The following CACNA1A variants were observed in gnomAD, a reference collection of about 807,000 sequenced individuals.
CACNA1A encodes voltage-dependent P/Q-type calcium channel subunit alpha-1A.
In CACNA1A, 57 loss-of-function variants were observed where a neutral mutation model predicts 262.4. The observed-to-expected ratio is 0.22, with a 90% CI of 0.18 to 0.27. The LOEUF is 0.27. CACNA1A is among the 10% of genes least tolerant of loss of function. The pLI is 1.00. For missense variants in CACNA1A, 2,526 were observed against 3,562.8 expected (o/e 0.71, Z 7.41); for synonymous variants, 1,431 against 1,419.3 (o/e 1.01, Z -0.18).
chr19:13,214,141 G>T lies in CACNA1A; in HGVS notation c.5940+92C>A, dbSNP rs889671168. 1.3e-5 allele frequency: 13 copies of T among 1,039,048 alleles called. No individual in the cohort carries two copies. The highest frequency in any genetic ancestry group is 1.9e-5 in the Non-Finnish European group (13 of 697,990). The allele number at this position is 1,039,048 out of a possible 1,614,324, so 64.4% of individuals were successfully genotyped here. ...CTACTTTTCAGGGACCTGCCCTGGG[G>T]CTCAGCCACCCTCATATTCCAGTTG... On this transcript the variant is annotated intron_variant, in intron 40 of 46. Coordinates refer to ENST00000360228, the MANE Select transcript of CACNA1A (RefSeq NM_001127222.2). This position sits in a 1 kb window ranked among gnomAD's most constrained non-coding sequence, Gnocchi z 4.1.
At chr19:13,497,139 G>C (rs1190992254) in intron 1 of CACNA1A, among the ~76,000 whole-genome samples, 4 of 151,922 alleles carry the variant, frequency 2.6e-5, no homozygotes, top group African/African-American at 9.7e-5. Context: ...CAGAATACAA[G>C]CAGGACCAAG....
At position 13,299,329 on chromosome 19, in the gene CACNA1A, C is replaced by G. The variant is rs771905201; in HGVS notation, c.2304G>C (p.Lys768Asn). 3 of 1,600,084 alleles carry G rather than the reference C, an allele frequency of 1.9e-6. No homozygotes were observed. The East Asian group carries it at 6.7e-5, about 36-fold the overall frequency. The change falls in exon 19 of 47, where the codon AAG becomes AAC. Residue 768 changes from lysine (K) to asparagine (N), a missense_variant. Physicochemically the swap from Lys to Asn is moderately conservative, Grantham distance 94. Around this residue, in one of 17 missense-constraint regions of CACNA1A, gnomAD observed 765 missense variants for 748.6 expected, o/e 1.02. Transcript: ENST00000360228. The stretch of plus-strand genomic sequence containing the variant: ...GCTGCTCCCACACGGACTTGGCTGG[C>G]TTTTGATTCTTCTGTTGCTCTTTCC... ...IAVKEQQKNQ[K>N]PAKSVWEQRT...
chr19:13,465,792 T>C (rs890040627), intron 1 of CACNA1A, among the ~76,000 whole-genome samples: 1 of 152,198 alleles, frequency 6.6e-6, no homozygotes, highest in Admixed American at 6.5e-5. Context: ...TCCAGCCACA[T>C]CATATTTTTG....
intron 1 of CACNA1A, among the ~76,000 whole-genome samples, chr19:13,490,466 G>A (rs1007114493): frequency 3.3e-5 from 5 of 152,100 alleles, no homozygotes; most frequent in Admixed American, 1.3e-4. Flanking sequence ...AGCTGGGTGT[G>A]GTGGCGCGTG....
intron 1 of CACNA1A, among the ~76,000 whole-genome samples, chr19:13,505,253 T>C (rs898457011): frequency 2.0e-5 from 3 of 152,202 alleles, no homozygotes; most frequent in African/African-American, 4.8e-5. Context: ...CCTGCACACA[T>C]GAGGGAAACA....
chr19:13,334,520 A>G, intron 7 of CACNA1A, 27 bp from the exon 8 acceptor site: 1 of 1,232,274 alleles, frequency 8.1e-7, no homozygotes, highest in Non-Finnish European at 1.2e-6. Flanking sequence ...AAGCCAGAGT[A>G]TGGCTGTTTT....
intron 6 of CACNA1A, among the ~76,000 whole-genome samples, chr19:13,354,370 C>T (rs893300994): frequency 1.3e-5 from 2 of 152,212 alleles, no homozygotes; most frequent in Non-Finnish European, 2.9e-5. Context: ...AGACACTCTG[C>T]TTGCCTATGG....
chr19:13,352,560 C>T lies in CACNA1A; in HGVS notation c.978+7046G>A, dbSNP rs551312841. ...TTTACTTATATTTTCATATTTGTAC[C>T]TTTGAGATCATAAGGTTTACCTCCC... On this transcript the variant is annotated intron_variant, in intron 6 of 46. Transcript: ENST00000360228. Among the ~76,000 whole-genome samples, 8 of 152,146 alleles carry T rather than the reference C, an allele frequency of 5.3e-5. No individual in the cohort carries two copies. In the East Asian group the frequency reaches 1.5e-3, roughly 29 times the overall value.
rs764399373 is a variant in CACNA1A, at chr19:13,298,647, GGCCCTC to G, written c.2980_2985del (p.Glu994_Gly995del). 829 of 1,517,422 alleles carry G rather than the reference GGCCCTC, an allele frequency of 5.5e-4. No homozygotes were observed. The highest frequency in any genetic ancestry group is 6.2e-4 in the Non-Finnish European group (707 of 1,132,752). The allele number at this position is 1,517,422 out of a possible 1,614,324, so 94.0% of individuals were successfully genotyped here. A position where few individuals can be genotyped will look rare whatever the true frequency, so the allele number is the denominator to read the frequency against. Reference sequence around the variant, plus strand: ...CTTCTCCTGCGCTCGCCCCCGTCGGGGCCCTCGCCCTCGCCCTCGCCGCCCCGGGCC... The same window carrying G: ...CTTCTCCTGCGCTCGCCCCCGTCGGGGCCCTCGCCCTCGCCGCCCCGGGCC... On this transcript the variant is annotated inframe_deletion, in exon 19 of 47. Coordinates refer to ENST00000360228, the MANE Select transcript of CACNA1A (RefSeq NM_001127222.2).
intron 38 of CACNA1A, among the ~76,000 whole-genome samples, chr19:13,221,882 T>C (rs1398194887): frequency 3.3e-5 from 5 of 152,012 alleles, no homozygotes; most frequent in Non-Finnish European, 7.4e-5. Flanking sequence ...AGCTAGGTCT[T>C]TGGGGGAATT....
At chr19:13,380,418 G>A (rs1195581422) in intron 3 of CACNA1A, among the ~76,000 whole-genome samples, 11 of 151,578 alleles carry the variant, frequency 7.3e-5, no homozygotes, top group Non-Finnish European at 1.6e-4. Flanking sequence ...GGCCGACGCA[G>A]GCAGATCACT....
At chr19:13,267,716 G>C (rs914166835) in intron 24 of CACNA1A, among the ~76,000 whole-genome samples, 1 of 152,026 alleles carries the variant, frequency 6.6e-6, no homozygotes, top group Non-Finnish European at 1.5e-5. Flanking sequence ...GACGAGTTGG[G>C]AAGATTGCTT....
chr19:13,499,452 G>C (rs1420378847), intron 1 of CACNA1A, among the ~76,000 whole-genome samples: 1 of 118,990 alleles, frequency 8.4e-6, no homozygotes. Flanking sequence ...GGGGGTGGTG[G>C]GGGGGGGCAC....
intron 37 of CACNA1A, chr19:13,225,207 C>T (rs2055389808): frequency 5.8e-6 from 1 of 172,268 alleles, no homozygotes; most frequent in Non-Finnish European, 1.3e-5. Context: ...GTGCCACTGG[C>T]TCCCCACACC....
Position 13,286,493 on chromosome 19 carries a change from A to T in CACNA1A, c.3553+10T>A. The T allele has an allele frequency of 1.7e-6, 2 of 1,156,838 alleles. No individual in the cohort carries two copies. Among genetic ancestry groups the T allele is most frequent in the Non-Finnish European group, 2.4e-6 (2 of 824,966 alleles). The allele number at this position is 1,156,838 out of a possible 1,614,324, so 71.7% of individuals were successfully genotyped here. On this transcript the variant is annotated intron_variant, in intron 20 of 46. Transcript: ENST00000360228. The stretch of plus-strand genomic sequence containing the variant: ...CCCCTGCCCAGTGATGTGAGAGCAG[A>T]GGGTCTCACCTTGTACGACGGTGTG...
At chr19:13,491,005 AAAGG>A (rs879736907) in intron 1 of CACNA1A, among the ~76,000 whole-genome samples, 4 of 150,196 alleles carry the variant, frequency 2.7e-5, no homozygotes, top group Middle Eastern at 3.5e-3. Context: ...AGGAAGGAAG[AAAGG>A]AAGGAAGGAA....
intron 24 of CACNA1A, chr19:13,263,164 C>T: frequency 3.8e-6 from 1 of 264,836 alleles, no homozygotes; most frequent in South Asian, 5.5e-5. Context: ...CATTTCTGCA[C>T]AGCTTTTCTT....
intron 30 of CACNA1A, among the ~76,000 whole-genome samples, chr19:13,250,435 C>A (rs372080776): frequency 6.6e-6 from 1 of 151,894 alleles, no homozygotes; most frequent in Non-Finnish European, 1.5e-5. Flanking sequence ...CTCACTCTGT[C>A]ACCCAGGCTG....
intron 1 of CACNA1A, among the ~76,000 whole-genome samples, chr19:13,505,225 C>T (rs965934264): frequency 2.0e-5 from 3 of 152,014 alleles, no homozygotes; most frequent in Non-Finnish European, 2.9e-5. Context: ...CCCCAATCAG[C>T]GGTTAAAGGC....
Sources: allele counts gnomAD v4.1 joint callset (sites outside exome capture counted in the v4.1 genomes callset), GRCh38; gene constraint gnomAD v4.1.1; regional missense constraint gnomAD v4.1.1; non-coding constraint Gnocchi (gnomAD v3.1); transcripts MANE v1.5; gene names NCBI Gene and HGNC (gene_info 2026-07-23, HGNC 2026-07-21).